JADE2: variants seen among roughly 807,000 people sequenced by gnomAD.
JADE2 encodes jade family PHD finger 2.
A neutral mutation model predicts 85.7 loss-of-function variants in JADE2; 13 were observed. The ratio of observed to expected loss-of-function variants is 0.15; its 90% CI spans 0.10 to 0.24. The LOEUF (loss-of-function observed/expected upper bound fraction) is 0.24. Ranked by LOEUF, JADE2 falls within the 10% of genes least tolerant of loss-of-function variation. JADE2 has a pLI of 1.00. For missense variants in JADE2, 846 were observed against 1,115.9 expected, an observed-to-expected ratio of 0.76 and a Z score of 3.45; for synonymous variants, 440 against 456.1, an observed-to-expected ratio of 0.96 and a Z score of 0.45.
intron 4 of JADE2, among the ~76,000 whole-genome samples, chr5:134,557,234 T>TTG (rs796461210): frequency 2.7e-4 from 40 of 150,860 alleles, no homozygotes; most frequent in Non-Finnish European, 5.2e-4. Flanking sequence ...TATTATTTTT[T>TTG]TTGTTGTTGT....
intron 4 of JADE2, among the ~76,000 whole-genome samples, chr5:134,558,907 C>T (rs1763152445): frequency 6.6e-6 from 1 of 152,224 alleles, no homozygotes; most frequent in Non-Finnish European, 1.5e-5. Flanking sequence ...AGTGGCTTCC[C>T]CAGAGTCACA....
chr5:134,571,033 T>C (rs1323935864), intron 9 of JADE2, among the ~76,000 whole-genome samples: 1 of 152,232 alleles, frequency 6.6e-6, no homozygotes, highest in African/African-American at 2.4e-5. Context: ...AAGGTTGAGG[T>C]GTCAGCAGGA....
chr5:134,559,793 GC>G, intron 4 of JADE2, 36 bp from the exon 5 acceptor site: 1 of 1,587,484 alleles, frequency 6.3e-7, no homozygotes. Flanking sequence ...CAGGCTGAGG[GC>G]CCCTCCCTTC....
chr5:134,557,083 CAA>C (rs2149959141), intron 4 of JADE2, among the ~76,000 whole-genome samples: 1 of 126,560 alleles, frequency 7.9e-6, no homozygotes, highest in East Asian at 3.2e-4. Context: ...ACACACCACA[CAA>C]ACACACACAC....
At chr5:134,541,346 C>T (rs1761951550) in intron 3 of JADE2, among the ~76,000 whole-genome samples, 1 of 152,250 alleles carries the variant, frequency 6.6e-6, no homozygotes, top group South Asian at 2.1e-4. Context: ...AGTTATTTGG[C>T]TCATGAGAGG....
chr5:134,538,011 A>C lies in JADE2; in HGVS notation c.81A>C (p.Ala27=), dbSNP rs1761711119. 6.2e-7 allele frequency: 1 copy of C among 1,614,074 alleles called. No homozygotes were observed. Among genetic ancestry groups the C allele is most frequent in the Admixed American group, 1.7e-5 (1 of 60,000 alleles). ...CAGGTCATGCGACATCTACATCCGC[A>C]TCAAGATGCTCCAAACTGCCCAGCA... ...TTDSHATSTS[A]SRCSKLPSST... The change falls in exon 3 of 12, where the codon GCA becomes GCC. Residue 27 remains alanine (A), a synonymous_variant. Coordinates refer to ENST00000681547, the MANE Select transcript of JADE2 (RefSeq NM_001388185.1).
At position 134,560,871 on chromosome 5, in the gene JADE2, G is replaced by A. The variant is rs927256878; in HGVS notation, c.598G>A (p.Val200Ile). Residue 200 changes from valine to isoleucine, a missense_variant, in exon 6 of 12, where the codon GTT becomes ATT. Transcript: ENST00000681547. ...GCTGGGCATCGAGTACGACGAGGAT[G>A]TTGTCTGCGACGTGTGTCGCTCTCC... ...EGLGIEYDED[V>I]VCDVCRSPEG... 1.2e-6 allele frequency: 2 copies of A among 1,614,232 alleles called. No individual in the cohort carries two copies. The highest frequency in any genetic ancestry group is 2.2e-5 in the South Asian group (2 of 91,090).
intron 6 of JADE2, 51 bp downstream of exon 6, chr5:134,561,008 C>T (rs996430698): frequency 1.3e-6 from 2 of 1,521,858 alleles, no homozygotes; most frequent in Non-Finnish European, 1.8e-6. Flanking sequence ...ACACACGCTG[C>T]CTGGCAGCGA....
In JADE2 at chr5:134,556,525, TAC is replaced by T. The variant is rs1185245449; in HGVS notation, c.312-3296_312-3295del. 6.8e-3 allele frequency among the ~76,000 whole-genome samples: 273 copies of T among 40,060 alleles called. 1 individual carries two copies. The highest frequency in any genetic ancestry group is 0.011 in the Admixed American group (37 of 3,358). 26.3% of individuals were successfully genotyped at this position (40,060 alleles called of 152,430 possible). A position where few individuals can be genotyped will look rare whatever the true frequency, so the allele number is the denominator to read the frequency against. ...ACACACACACACATCACACAACACA[TAC>T]ACACACACCACACACACACCTCACA... is the stretch of plus-strand genomic sequence containing the variant. On this transcript the variant is annotated intron_variant, in intron 4 of 11. Coordinates refer to ENST00000681547, the MANE Select transcript of JADE2 (RefSeq NM_001388185.1).
At position 134,579,352 on chromosome 5, in the gene JADE2, T is replaced by TC. The variant is rs1764590020; in HGVS notation, c.*41dup. 1 of 1,485,114 alleles carries TC rather than the reference T, an allele frequency of 6.7e-7. No homozygotes were observed. The highest frequency in any genetic ancestry group is 9.0e-7 in the Non-Finnish European group (1 of 1,106,492). 92.0% of individuals were successfully genotyped at this position (1,485,114 alleles called of 1,614,324 possible). The stretch of plus-strand genomic sequence containing the variant: ...TTCCCTGTCCCAGGCCCTGCCCTGG[T>TC]CCCCCCACAAGGCCTCAGCCCAGTC... On this transcript the variant is annotated 3_prime_UTR_variant, in exon 12 of 12. Transcript: ENST00000681547. This position sits in a 1 kb window ranked among gnomAD's most constrained non-coding sequence, Gnocchi z 4.6.
In JADE2 at chr5:134,535,837, TG is replaced by T; in HGVS notation, c.1-18del. 6.2e-7 allele frequency: 1 copy of T among 1,612,922 alleles called. No individual in the cohort carries two copies. The highest frequency in any genetic ancestry group is 1.3e-5 in the African/African-American group (1 of 75,016). On this transcript the variant is annotated intron_variant, in intron 1 of 11. Coordinates refer to ENST00000681547, the MANE Select transcript of JADE2 (RefSeq NM_001388185.1). ...TTTCCCAAGCCATCCGTGAGTATAA[TG>T]GGCTTGCCTTTTGTTGCAGATGGAA... is the stretch of plus-strand genomic sequence containing the variant.
intron 3 of JADE2, among the ~76,000 whole-genome samples, chr5:134,551,024 A>G (rs779104669): frequency 6.6e-6 from 1 of 151,896 alleles, no homozygotes; most frequent in Non-Finnish European, 1.5e-5. Context: ...ATGTGAAGCC[A>G]CTATCTAGGC....
At chr5:134,526,738 G>T (rs1193784901) in intron 1 of JADE2, 1 of 985,420 alleles carries the variant, frequency 1.0e-6, no homozygotes, top group African/African-American at 1.7e-5. Flanking sequence ...TTTTTGGAGG[G>T]GCGGGGGACA....
rs765780702 is a variant in JADE2, at chr5:134,566,496, G to A, written c.1350G>A (p.Glu450=). Residue 450 remains glutamate (E), a synonymous_variant, in exon 9 of 12, where the codon GAG becomes GAA. Transcript: ENST00000681547. The surrounding 1 kb of genome is among the most constrained non-coding windows in gnomAD (Gnocchi z 6.7). ...NQPLLTPKTD[E]VDNLAQQEQD... is the part of the protein sequence containing the mutation. ...CGCTGCTGACCCCCAAGACCGACGAGGTGGACAACCTGGCCCAGCAGGAGC... is the reference window on the plus strand; with the variant it reads ...CGCTGCTGACCCCCAAGACCGACGAAGTGGACAACCTGGCCCAGCAGGAGC... 2.5e-6 allele frequency: 4 copies of A among 1,611,184 alleles called. No homozygotes were observed. In the Admixed American group the frequency reaches 6.7e-5, roughly 27 times the overall value.
Position 134,579,322 on chromosome 5 carries a change from C to A in JADE2, c.*5C>A. ...ATGGGCGTACTGGCCTCCTAACTCA[C>A]CCCCTTCCCTGTCCCAGGCCCTGCC... On this transcript the variant is annotated 3_prime_UTR_variant, in exon 12 of 12. Coordinates refer to ENST00000681547, the MANE Select transcript of JADE2 (RefSeq NM_001388185.1). The surrounding 1 kb of genome is among the most constrained non-coding windows in gnomAD (Gnocchi z 4.6). The A allele has an allele frequency of 3.2e-6, 5 of 1,576,274 alleles. No individual in the cohort carries two copies. The highest frequency in any genetic ancestry group is 4.3e-6 in the Non-Finnish European group (5 of 1,161,548).
intron 2 of JADE2, 74 bp from the exon 3 acceptor site, chr5:134,537,915 T>C: frequency 9.1e-7 from 1 of 1,103,612 alleles, no homozygotes; most frequent in East Asian, 2.4e-5. Context: ...GCTTAGAAGC[T>C]TCCTATTCTT....
chr5:134,542,226 C>T (rs941860689), intron 3 of JADE2, among the ~76,000 whole-genome samples: 1 of 152,204 alleles, frequency 6.6e-6, no homozygotes, highest in African/African-American at 2.4e-5. Flanking sequence ...TGAGCCTGGC[C>T]TAGGGAGCTA....
intron 3 of JADE2, among the ~76,000 whole-genome samples, chr5:134,550,399 A>T (rs1561740290): frequency 6.6e-6 from 1 of 152,190 alleles, no homozygotes; most frequent in East Asian, 1.9e-4. Flanking sequence ...TGCACATAGC[A>T]GGCAGAGGTT....
At chr5:134,535,215 C>T (rs1273766441) in intron 1 of JADE2, among the ~76,000 whole-genome samples, 1 of 152,132 alleles carries the variant, frequency 6.6e-6, no homozygotes, top group African/African-American at 2.4e-5. Flanking sequence ...TTTATTTGTA[C>T]GTTTATCTGG....
Sources: allele counts gnomAD v4.1 joint callset (sites outside exome capture counted in the v4.1 genomes callset), GRCh38; gene constraint gnomAD v4.1.1; non-coding constraint Gnocchi (gnomAD v3.1); transcripts MANE v1.5; gene names NCBI Gene and HGNC (gene_info 2026-07-23, HGNC 2026-07-21).